Variants in USP33 observed in about 807,000 individuals in gnomAD.
USP33 encodes ubiquitin carboxyl-terminal hydrolase 33.
In USP33, 46 loss-of-function variants were observed where a neutral mutation model predicts 124.2. That is an observed-to-expected ratio of 0.37 (90% CI 0.29 to 0.47). The LOEUF (loss-of-function observed/expected upper bound fraction) is 0.47. Among genes scored for constraint, USP33 ranks in the 20% least tolerant of loss-of-function variants. The pLI is 0.99. For missense variants in USP33, 851 were observed against 1,070.6 expected (o/e 0.79, Z 2.86); for synonymous variants, 350 against 352.3 (o/e 0.99, Z 0.07).
Position 77,697,409 on chromosome 1 carries a change from G to A in USP33, c.2644C>T (p.Pro882Ser). The A allele has an allele frequency of 6.2e-7, 1 of 1,612,930 alleles. No individual in the cohort carries two copies. Among genetic ancestry groups the A allele is most frequent in the South Asian group, 1.1e-5 (1 of 90,836 alleles). ...ACCGGAGGTCGCAGGATAACTTCAG[G>A]CCCTCCACCATAAATAGACTGCAGA... ...NFLQSIYGGGPEVILRPPVVH... is the reference protein window; with the variant it reads ...NFLQSIYGGGSEVILRPPVVH... The change falls in exon 24 of 24, where the codon CCT becomes TCT. Residue 882 changes from proline (P) to serine (S), a missense_variant. By Grantham distance (74) the Pro-to-Ser change is moderately conservative. Around this residue, in one of 4 missense-constraint regions of USP33, gnomAD observed 142 missense variants for 141.8 expected, o/e 1.00. Transcript: ENST00000370794.
chr1:77,699,840 C>T (rs1412100029), intron 22 of USP33, among the ~76,000 whole-genome samples: 2 of 152,182 alleles, frequency 1.3e-5, no homozygotes, highest in Non-Finnish European at 2.9e-5. Context: ...GGTAAATATA[C>T]ACTATGGAAT....
intron 7 of USP33, among the ~76,000 whole-genome samples, chr1:77,733,271 G>A (rs980182364): frequency 6.6e-6 from 1 of 152,074 alleles, no homozygotes; most frequent in Admixed American, 6.5e-5. Context: ...GCATGTGCCT[G>A]TAGTCTCAGC....
intron 2 of USP33, 58 bp downstream of exon 2, chr1:77,741,559 T>C: frequency 5.2e-6 from 8 of 1,550,238 alleles, no homozygotes; most frequent in Non-Finnish European, 6.9e-6. Flanking sequence ...TTTATGAAAA[T>C]TACACATTCA....
chr1:77,717,586 ATC>A (rs1293744194), intron 17 of USP33: 2 of 202,292 alleles, frequency 9.9e-6, no homozygotes, highest in Non-Finnish European at 2.0e-5. Context: ...GCATAAAATT[ATC>A]TGACATGTTT....
chr1:77,736,224 A>T (rs1678433326), intron 5 of USP33, 66 bp from the exon 6 acceptor site: 2 of 1,033,084 alleles, frequency 1.9e-6, no homozygotes. Context: ...TTTAATTGTA[A>T]CTTATATAAC....
intron 22 of USP33, among the ~76,000 whole-genome samples, chr1:77,700,759 G>A (rs1465349181): frequency 6.7e-6 from 1 of 149,028 alleles, no homozygotes. Context: ...GGAGTACAGT[G>A]GCATGATCTC....
chr1:77,759,014 C>T (rs749845914), intron 1 of USP33, among the ~76,000 whole-genome samples: 36 of 152,254 alleles, frequency 2.4e-4, no homozygotes, highest in Admixed American at 1.2e-3. Context: ...AAATGAAGAG[C>T]GTTTTGTATA....
At chr1:77,737,036 C>A (rs569097569) in intron 5 of USP33, among the ~76,000 whole-genome samples, 3 of 150,880 alleles carry the variant, frequency 2.0e-5, no homozygotes, top group East Asian at 3.9e-4. Context: ...TGCTAGTAAA[C>A]ACTTTAAAAA....
chr1:77,758,131 T>C (rs1484016497), intron 1 of USP33, among the ~76,000 whole-genome samples: 2 of 150,720 alleles, frequency 1.3e-5, no homozygotes, highest in Admixed American at 6.6e-5. Flanking sequence ...CTCTTGCACA[T>C]ATCAGGTCAA....
chr1:77,715,130 A>G (rs917060587), intron 18 of USP33, among the ~76,000 whole-genome samples: 2 of 152,164 alleles, frequency 1.3e-5, no homozygotes, highest in Non-Finnish European at 2.9e-5. Context: ...TAATACTTTC[A>G]TTATTAGCTA....
At chr1:77,746,068 C>G (rs965316917) in intron 1 of USP33, among the ~76,000 whole-genome samples, 2 of 152,022 alleles carry the variant, frequency 1.3e-5, no homozygotes, top group African/African-American at 4.8e-5. Context: ...ACAAAAAACC[C>G]TTCAAAAAAT....
chr1:77,737,398 T>C (rs994996671), intron 5 of USP33, among the ~76,000 whole-genome samples: 15 of 152,224 alleles, frequency 9.9e-5, no homozygotes, highest in African/African-American at 3.6e-4. Flanking sequence ...CTACAAAATA[T>C]CTAAATACAC....
rs1675685674 is a variant in USP33 at position 77,714,865 on chromosome 1, A to G, written c.2046-82T>C. On this transcript the variant is annotated intron_variant, in intron 18 of 23. Transcript: ENST00000370794. ...ATGGATTTTTCTTCTTATTAGACTT[A>G]ACACACATATTAACACTATCTTTAT... The G allele has an allele frequency of 8.7e-6, 12 of 1,373,722 alleles. No individual in the cohort carries two copies. In the South Asian group the frequency reaches 1.1e-4, roughly 13 times the overall value. The allele number at this position is 1,373,722 out of a possible 1,614,324, so 85.1% of individuals were successfully genotyped here. A position where few individuals can be genotyped will look rare whatever the true frequency, so the allele number is the denominator to read the frequency against.
rs528678381 is a variant in USP33 at position 77,754,791 on chromosome 1, C to T, written c.-52+4852G>A. On this transcript the variant is annotated intron_variant, in intron 1 of 23. Transcript: ENST00000370794. ...AAATACGCAGTCTTCTAACTGAGTT[C>T]TCTGGCTACAACCTATGTGTTCTAC... is the stretch of plus-strand genomic sequence containing the variant. 7.9e-5 allele frequency among the ~76,000 whole-genome samples: 12 copies of T among 152,320 alleles called. No homozygotes were observed. The East Asian group carries it at 2.3e-3, about 29-fold the overall frequency.
At chr1:77,732,783 TCTC>T (rs1402600887) in intron 7 of USP33, among the ~76,000 whole-genome samples, 3 of 149,144 alleles carry the variant, frequency 2.0e-5, no homozygotes, top group Non-Finnish European at 4.4e-5. Context: ...AGAGTAAATG[TCTC>T]TTCTTTTTTT....
intron 11 of USP33, among the ~76,000 whole-genome samples, chr1:77,724,464 G>A (rs534186027): frequency 3.8e-4 from 57 of 151,880 alleles, no homozygotes; most frequent in African/African-American, 1.3e-3. Context: ...AGGCCATGAA[G>A]ACTTTCTCCT....
At chr1:77,734,975 T>G (rs1294679483) in intron 6 of USP33, among the ~76,000 whole-genome samples, 2 of 151,862 alleles carry the variant, frequency 1.3e-5, no homozygotes, top group Admixed American at 6.6e-5. Context: ...TACAAAAAAT[T>G]TGCCGGGCAT....
Position 77,725,766 on chromosome 1 carries a change from T to C in USP33, c.1136-4A>G. The C allele has an allele frequency of 6.2e-7, 1 of 1,604,668 alleles. No individual in the cohort carries two copies. The highest frequency in any genetic ancestry group is 8.5e-7 in the Non-Finnish European group (1 of 1,176,068). On this transcript the variant is annotated splice_region_variant and splice_polypyrimidine_tract_variant and intron_variant, in intron 10 of 23. Coordinates refer to ENST00000370794, the MANE Select transcript of USP33 (RefSeq NM_201624.3). Reference sequence around the variant, plus strand: ...GAATGGACATCAGTGATATATTCTGTAAGATTTAAAATTTGCATTATTACC... The same window carrying C: ...GAATGGACATCAGTGATATATTCTGCAAGATTTAAAATTTGCATTATTACC...
At chr1:77,717,746 TTAAG>T (rs1410582567) in intron 17 of USP33, 117 bp downstream of exon 17, 39 of 865,492 alleles carry the variant, frequency 4.5e-5, no homozygotes, top group Non-Finnish European at 6.3e-5. Context: ...CTGGCTTTAA[TTAAG>T]TGATTCTCCC....
Sources: gnomAD v4.1 joint callset for allele counts (sites outside exome capture counted in the v4.1 genomes callset) on GRCh38, gnomAD v4.1.1 for gene constraint, gnomAD v4.1.1 regional missense constraint, MANE v1.5 for transcripts, NCBI Gene and HGNC (gene_info 2026-07-23, HGNC 2026-07-21) for gene names.